KCNK5: variants seen among roughly 807,000 people sequenced by gnomAD.
The protein encoded by KCNK5 is potassium channel subfamily K member 5.
A neutral mutation model predicts 32.9 loss-of-function variants in KCNK5; 18 were observed. That is an observed-to-expected ratio of 0.55 (90% CI 0.38 to 0.81). The LOEUF is 0.81. Among genes scored for constraint, KCNK5 ranks in the 30% least tolerant of loss-of-function variants. The pLI is 0.00. For synonymous variants in KCNK5, 276 were observed against 275.3 expected, an observed-to-expected ratio of 1.00 and a Z score of -0.03; for missense variants, 507 against 651.0, an observed-to-expected ratio of 0.78 and a Z score of 2.41.
chr6:39,214,496 G>GGA (rs1771395184), intron 1 of KCNK5, among the ~76,000 whole-genome samples: 1 of 152,248 alleles, frequency 6.6e-6, no homozygotes, highest in Non-Finnish European at 1.5e-5. Flanking sequence ...GAGGGGCAGA[G>GGA]GAGGGCTCTG....
chr6:39,191,032 G>T lies in KCNK5; in HGVS notation c.1358C>A (p.Ala453Asp), dbSNP rs753587627. 1.2e-6 allele frequency: 2 copies of T among 1,605,934 alleles called. No homozygotes were observed. The highest frequency in any genetic ancestry group is 1.7e-5 in the Admixed American group (1 of 58,692). Residue 453 changes from alanine (A) to aspartate (D), a missense_variant, in exon 5 of 5, where the codon GCT becomes GAT. Transcript: ENST00000359534. The surrounding 1 kb of genome is among the most constrained non-coding windows in gnomAD (Gnocchi z 5.8). ...LAGEESPQQG[A>D]EAKAPLNMGE... ...CATGTTCAGGGGCGCCTTGGCTTCA[G>T]CCCCCTGCTGGGGGCTCTCCTCCCC...
At chr6:39,221,532 T>C (rs552965857) in intron 1 of KCNK5, among the ~76,000 whole-genome samples, 1 of 152,204 alleles carries the variant, frequency 6.6e-6, no homozygotes, top group African/African-American at 2.4e-5. Flanking sequence ...TGGCACCTGG[T>C]AGGCACTCCA....
Position 39,229,141 on chromosome 6 carries a change from G to A in KCNK5, c.-30C>T. On this transcript the variant is annotated 5_prime_UTR_variant, in exon 1 of 5. Transcript: ENST00000359534. ...CCCGAGCGGCCGCCTCCTAGAGAAA[G>A]CCTCTCCTAGCCCCAGCTGCTACCA... is the stretch of plus-strand genomic sequence containing the variant. 4 of 1,609,106 alleles carry A rather than the reference G, an allele frequency of 2.5e-6. 1 individual carries two copies. In the South Asian group the frequency reaches 4.4e-5, roughly 18 times the overall value.
chr6:39,190,712 C>A lies in KCNK5; in HGVS notation c.*178G>T. 1 of 558,218 alleles carries A rather than the reference C, an allele frequency of 1.8e-6. No individual in the cohort carries two copies. Among genetic ancestry groups the A allele is most frequent in the Non-Finnish European group, 3.0e-6 (1 of 337,352 alleles). 34.6% of individuals were successfully genotyped at this position (558,218 alleles called of 1,614,324 possible). Reference sequence around the variant, plus strand: ...GTATGGTTCAGCTGGAGAACAGAGGCCCTGTCCCGGGCATACATCTAGCTG... The same window carrying A: ...GTATGGTTCAGCTGGAGAACAGAGGACCTGTCCCGGGCATACATCTAGCTG... On this transcript the variant is annotated 3_prime_UTR_variant, in exon 5 of 5. Coordinates refer to ENST00000359534, the MANE Select transcript of KCNK5 (RefSeq NM_003740.4).
In KCNK5 at chr6:39,191,289, G is replaced by A. The variant is rs139806434; in HGVS notation, c.1101C>T (p.His367=). ...CCTCCTCATCTGGGGACCTTGATAC[G>A]TGGCCTTTGCTCCTCAGTGTCTGTG... ...EVSQTLRSKG[H]VSRSPDEEAV... is the part of the protein sequence containing the mutation. The change falls in exon 5 of 5, where the codon CAC becomes CAT. Residue 367 remains histidine (H), a synonymous_variant. Transcript: ENST00000359534. This position sits in a 1 kb window ranked among gnomAD's most constrained non-coding sequence, Gnocchi z 5.8. 5.5e-5 allele frequency: 89 copies of A among 1,614,058 alleles called. No homozygotes were observed. In the African/African-American group the frequency reaches 9.6e-4, roughly 17 times the overall value.
At chr6:39,216,325 T>C (rs1206322691) in intron 1 of KCNK5, among the ~76,000 whole-genome samples, 1 of 151,988 alleles carries the variant, frequency 6.6e-6, no homozygotes, top group East Asian at 1.9e-4. Flanking sequence ...AAACTATATA[T>C]GGTCAATGTG....
intron 1 of KCNK5, among the ~76,000 whole-genome samples, chr6:39,205,034 C>T (rs745497623): frequency 3.1e-4 from 47 of 152,338 alleles, no homozygotes; most frequent in Middle Eastern, 3.4e-3. Flanking sequence ...CAGGCTGGGA[C>T]GGTAATCCCC....
At chr6:39,212,039 G>A (rs1771352446) in intron 1 of KCNK5, among the ~76,000 whole-genome samples, 1 of 151,950 alleles carries the variant, frequency 6.6e-6, no homozygotes, top group Non-Finnish European at 1.5e-5. Context: ...TGTAATCCCA[G>A]CACTTTGGGA....
chr6:39,207,925 G>T (rs1370161390), intron 1 of KCNK5, among the ~76,000 whole-genome samples: 1 of 152,070 alleles, frequency 6.6e-6, no homozygotes, highest in Non-Finnish European at 1.5e-5. Flanking sequence ...CCTGACCCTT[G>T]TGCCACATTT....
chr6:39,195,423 C>T (rs918832734), intron 2 of KCNK5, among the ~76,000 whole-genome samples: 12 of 152,204 alleles, frequency 7.9e-5, no homozygotes, highest in Admixed American at 3.3e-4. Context: ...AGCCATTGTT[C>T]GACTGCCACT....
rs148245721 is a variant in KCNK5, at chr6:39,194,242, C to T, written c.561G>A (p.Gly187=). ...IPPFVFMVTE[G]WNYIEGLYYS... is the part of the protein sequence containing the mutation. ...AGTAGAGGCCCTCGATGTAGTTCCACCCCTCAGTCACCATGAATACGAAGG... is the reference window on the plus strand; with the variant it reads ...AGTAGAGGCCCTCGATGTAGTTCCATCCCTCAGTCACCATGAATACGAAGG... The change falls in exon 4 of 5, where the codon GGG becomes GGA. Residue 187 remains glycine, a synonymous_variant. Transcript: ENST00000359534. The surrounding 1 kb of genome is among the most constrained non-coding windows in gnomAD (Gnocchi z 4.7). 261 of 1,614,140 alleles carry T rather than the reference C, an allele frequency of 1.6e-4. 1 individual carries two copies. The Admixed American group carries it at 4.2e-3, about 26-fold the overall frequency.
At chr6:39,207,761 CTCT>C (rs1771255429) in intron 1 of KCNK5, among the ~76,000 whole-genome samples, 1 of 152,112 alleles carries the variant, frequency 6.6e-6, no homozygotes, top group East Asian at 1.9e-4. Context: ...AGGAAGGATG[CTCT>C]GATCCATGAG....
chr6:39,213,343 A>G (rs906705916), intron 1 of KCNK5, among the ~76,000 whole-genome samples: 50 of 152,106 alleles, frequency 3.3e-4, no homozygotes, highest in Non-Finnish European at 4.1e-4. Context: ...TGTCTCCCCA[A>G]CTCGGCCCTG....
At chr6:39,223,277 T>C (rs1025426435) in intron 1 of KCNK5, among the ~76,000 whole-genome samples, 2 of 152,220 alleles carry the variant, frequency 1.3e-5, no homozygotes, top group African/African-American at 2.4e-5. Flanking sequence ...TCAGACATAC[T>C]GCTTGGTTGG....
rs1252277150 is a variant in KCNK5, at chr6:39,191,232, A to C, written c.1158T>G (p.Pro386=). 6.2e-7 allele frequency: 1 copy of C among 1,614,014 alleles called. No homozygotes were observed. Among genetic ancestry groups the C allele is most frequent in the Non-Finnish European group, 8.5e-7 (1 of 1,180,020 alleles). Residue 386 remains proline, a synonymous_variant, in exon 5 of 5, where the codon CCT becomes CCG. Transcript: ENST00000359534. This position sits in a 1 kb window ranked among gnomAD's most constrained non-coding sequence, Gnocchi z 5.8. Reference sequence around the variant, plus strand: ...GCTGGTTCATGAACACCTCGGGGGCAGGGGAGCTGTCTTCAGGGGCCCGTG... The same window carrying C: ...GCTGGTTCATGAACACCTCGGGGGCCGGGGAGCTGTCTTCAGGGGCCCGTG... ...AVARAPEDSS[P]APEVFMNQLD...
rs779276626 is a variant in KCNK5, at chr6:39,191,183, C to T, written c.1207G>A (p.Glu403Lys). Residue 403 changes from glutamate to lysine, a missense_variant, in exon 5 of 5, where the codon GAG becomes AAG. By Grantham distance (56) the Glu-to-Lys change is moderately conservative. Transcript: ENST00000359534. This position sits in a 1 kb window ranked among gnomAD's most constrained non-coding sequence, Gnocchi z 5.8. ...NQLDRISEEC[E>K]PWDAQDYHPL... ...TGGTAGTCCTGGGCGTCCCATGGCT[C>T]GCATTCCTCGCTGATGCGGTCCAGC... The T allele has an allele frequency of 2.2e-5, 35 of 1,614,202 alleles. No individual in the cohort carries two copies. The highest frequency in any genetic ancestry group is 2.7e-5 in the Non-Finnish European group (32 of 1,180,034).
chr6:39,227,848 G>A (rs1221978171), intron 1 of KCNK5, among the ~76,000 whole-genome samples: 1 of 152,056 alleles, frequency 6.6e-6, no homozygotes, highest in Non-Finnish European at 1.5e-5. Context: ...TAGACTAAAC[G>A]TTGCTTCTCA....
At chr6:39,201,278 G>T in intron 1 of KCNK5, among the ~76,000 whole-genome samples, 1 of 147,712 alleles carries the variant, frequency 6.8e-6, no homozygotes, top group Non-Finnish European at 1.5e-5. Flanking sequence ...TGCGATGAGA[G>T]TCTCACTCTG....
intron 1 of KCNK5, among the ~76,000 whole-genome samples, chr6:39,202,096 T>C (rs1208204219): frequency 6.6e-6 from 1 of 152,154 alleles, no homozygotes; most frequent in Non-Finnish European, 1.5e-5. Flanking sequence ...TTTGTTTTGT[T>C]TTTCACTGAT....
Sources: allele counts gnomAD v4.1 joint callset (sites outside exome capture counted in the v4.1 genomes callset), GRCh38; gene constraint gnomAD v4.1.1; non-coding constraint Gnocchi (gnomAD v3.1); transcripts MANE v1.5; gene names NCBI Gene and HGNC (gene_info 2026-07-23, HGNC 2026-07-21).